Variants in TAPT1 observed in about 807,000 individuals in gnomAD.
TAPT1 encodes the protein transmembrane anterior posterior transformation protein 1 homolog.
In TAPT1, 28 loss-of-function variants were observed where a neutral mutation model predicts 65.6. The observed-to-expected ratio is 0.43, with a 90% CI of 0.32 to 0.59. The LOEUF (loss-of-function observed/expected upper bound fraction) is 0.59, where lower values mean the gene tolerates loss of function less well. Among genes scored for constraint, TAPT1 ranks in the 20% least tolerant of loss-of-function variants. The pLI is 0.09. For missense variants in TAPT1, 563 were observed against 679.9 expected (o/e 0.83, Z 1.91); for synonymous variants, 278 against 245.2 (o/e 1.13, Z -1.25).
chr4:16,206,448 G>T (rs1750349738), intron 2 of TAPT1, among the ~76,000 whole-genome samples: 1 of 152,174 alleles, frequency 6.6e-6, no homozygotes, highest in Non-Finnish European at 1.5e-5. Context: ...GCTTAGACAG[G>T]GCTGTGGTGC....
intron 7 of TAPT1, among the ~76,000 whole-genome samples, chr4:16,185,621 G>A (rs777152386): frequency 1.6e-4 from 25 of 152,068 alleles, no homozygotes; most frequent in East Asian, 3.9e-4. Context: ...CACCAGCCTC[G>A]GCCTCCCAAC....
rs185046269 is a variant in TAPT1, at chr4:16,177,227, A to T, written c.998-999T>A. ...TGATCTTCACAAATTATATGAATAC[A>T]TTAAATTATCACTTGCACACCCAAA... On this transcript the variant is annotated intron_variant, in intron 8 of 13. Transcript: ENST00000405303. Among the ~76,000 whole-genome samples, 322 of 152,378 alleles carry T rather than the reference A, an allele frequency of 2.1e-3. 1 individual carries two copies. The highest frequency in any genetic ancestry group is 2.5e-3 in the Non-Finnish European group (167 of 68,036).
chr4:16,179,474 A>G, intron 8 of TAPT1, 103 bp downstream of exon 8: 1 of 664,760 alleles, frequency 1.5e-6, no homozygotes, highest in Non-Finnish European at 2.4e-6. Flanking sequence ...AAACAGCCAA[A>G]GTCTTTTGGA....
intron 2 of TAPT1, among the ~76,000 whole-genome samples, chr4:16,207,820 G>A (rs1578469976): frequency 6.6e-6 from 1 of 152,284 alleles, no homozygotes; most frequent in Non-Finnish European, 1.5e-5. Context: ...ATAAAAATTT[G>A]CTACATTGGT....
chr4:16,196,636 G>A (rs1473010863), intron 3 of TAPT1: 3 of 1,264,810 alleles, frequency 2.4e-6, no homozygotes, highest in East Asian at 5.6e-5. Flanking sequence ...GAGTATAGAA[G>A]GAAAAATCAG....
At chr4:16,163,672 T>G in intron 13 of TAPT1, 135 bp from the exon 14 acceptor site, 1 of 654,568 alleles carries the variant, frequency 1.5e-6, no homozygotes, top group Non-Finnish European at 2.7e-6. Flanking sequence ...GATAACCAAA[T>G]AGCATGTTGT....
intron 12 of TAPT1, among the ~76,000 whole-genome samples, chr4:16,170,000 G>C (rs1378308045): frequency 1.3e-5 from 2 of 152,128 alleles, no homozygotes; most frequent in African/African-American, 2.4e-5. Context: ...GGGTGGAACA[G>C]GTTTCCCGTT....
chr4:16,199,819 G>A (rs1749926987), intron 3 of TAPT1, among the ~76,000 whole-genome samples: 1 of 151,980 alleles, frequency 6.6e-6, no homozygotes, highest in South Asian at 2.1e-4. Context: ...TTAACTCCTG[G>A]CCTCAAGCTA....
chr4:16,179,301 G>GT, intron 8 of TAPT1: 1 of 300,892 alleles, frequency 3.3e-6, no homozygotes, highest in Non-Finnish European at 6.2e-6. Context: ...AATGGTAAGT[G>GT]TATCTAAACA....
chr4:16,165,552 G>T (rs1253901040), intron 13 of TAPT1, among the ~76,000 whole-genome samples: 1 of 147,522 alleles, frequency 6.8e-6, no homozygotes, highest in Non-Finnish European at 1.5e-5. Context: ...CCTGGGCGAC[G>T]GAGCAAAACT....
chr4:16,226,345 T>C lies in TAPT1; in HGVS notation c.113A>G (p.Gln38Arg), dbSNP rs1578497821. The C allele has an allele frequency of 1.8e-6, 2 of 1,114,320 alleles. No homozygotes were observed. Among genetic ancestry groups the C allele is most frequent in the Non-Finnish European group, 1.1e-6 (1 of 913,588 alleles). The allele number at this position is 1,114,320 out of a possible 1,614,324, so 69.0% of individuals were successfully genotyped here. ...GAGCTGAGGCGCCGGCGGGGGCCCC[T>C]GTCCGCCGCTGCCGCCCGGCTGCTC... Reference protein sequence around the residue: ...EAEQPGGSGGQGPPPAPQLTE... With the variant: ...EAEQPGGSGGRGPPPAPQLTE... Residue 38 changes from glutamine to arginine, a missense_variant, in exon 1 of 14, where the codon CAG (glutamine) becomes CGG (arginine). Gln to Arg is a conservative substitution (Grantham distance 43). This residue lies in a region of TAPT1 where 103 missense variants were observed against 89.4 expected (regional missense o/e 1.15). Transcript: ENST00000405303.
At chr4:16,201,471 A>C (rs10025835) in intron 3 of TAPT1, among the ~76,000 whole-genome samples, 4,932 of 152,328 alleles carry the variant, frequency 0.032, 255 homozygotes, top group African/African-American at 0.11. Flanking sequence ...CATGAAATGT[A>C]TGTAGAAAAG....
At chr4:16,198,116 C>G (rs906332981) in intron 3 of TAPT1, among the ~76,000 whole-genome samples, 2 of 152,172 alleles carry the variant, frequency 1.3e-5, no homozygotes, top group Non-Finnish European at 2.9e-5. Flanking sequence ...ATGATGAAGG[C>G]TGGGTTTACT....
At chr4:16,179,804 G>GTGTATATATATATATATATATATATA (rs1553825039) in intron 7 of TAPT1, 147 bp from the exon 8 acceptor site, 35 of 111,906 alleles carry the variant, frequency 3.1e-4, no homozygotes, top group African/African-American at 1.2e-3. Context: ...ATATATATAT[G>GTGTATATATATATATATATATATATA]TGTGTGTGTG....
intron 7 of TAPT1, among the ~76,000 whole-genome samples, chr4:16,185,251 G>A (rs1237127061): frequency 6.6e-6 from 1 of 151,382 alleles, no homozygotes; most frequent in Non-Finnish European, 1.5e-5. Flanking sequence ...CTTTTTTATT[G>A]AAATGTTATT....
chr4:16,163,898 C>T (rs1216906085), intron 13 of TAPT1, among the ~76,000 whole-genome samples: 1 of 152,178 alleles, frequency 6.6e-6, no homozygotes, highest in Non-Finnish European at 1.5e-5. Flanking sequence ...CAATACAGAA[C>T]ATCAGGGAGT....
intron 9 of TAPT1, among the ~76,000 whole-genome samples, chr4:16,175,512 T>A (rs1187722899): frequency 6.6e-6 from 1 of 152,138 alleles, no homozygotes; most frequent in African/African-American, 2.4e-5. Flanking sequence ...TCTAGAAAAC[T>A]GTGGAACTAT....
chr4:16,179,740 CATG>C (rs1360850028), intron 7 of TAPT1, 83 bp from the exon 8 acceptor site: 8 of 640,792 alleles, frequency 1.2e-5, no homozygotes, highest in Middle Eastern at 4.5e-4. Flanking sequence ...TTAGCCAGAA[CATG>C]ATGAAATTAT....
rs75088671 is a variant in TAPT1 at position 16,213,694 on chromosome 4, G to A, written c.330+74C>T. ...TTTAAAAAACTCAACTCTAGCTGTT[G>A]ACCATTTTTTTGCATAATTAATACT... is the stretch of plus-strand genomic sequence containing the variant. On this transcript the variant is annotated intron_variant, in intron 2 of 13. Coordinates refer to ENST00000405303, the MANE Select transcript of TAPT1 (RefSeq NM_153365.3). 9.7e-4 allele frequency: 1,276 copies of A among 1,318,086 alleles called. 14 individuals carry two copies. In the African/African-American group the frequency reaches 0.018, roughly 19 times the overall value. 81.6% of individuals were successfully genotyped at this position (1,318,086 alleles called of 1,614,324 possible). A position where few individuals can be genotyped will look rare whatever the true frequency, so the allele number is the denominator to read the frequency against.
Sources: gnomAD v4.1 joint callset for allele counts (sites outside exome capture counted in the v4.1 genomes callset) on GRCh38, gnomAD v4.1.1 for gene constraint, gnomAD v4.1.1 regional missense constraint, MANE v1.5 for transcripts, NCBI Gene and HGNC (gene_info 2026-07-23, HGNC 2026-07-21) for gene names.